The following SYN3 variants were observed in gnomAD, a reference collection of about 807,000 sequenced individuals.
SYN3 encodes the protein synapsin-3.
Under a neutral mutation model 65.8 loss-of-function variants are expected in SYN3, and 35 were observed. The ratio of observed to expected loss-of-function variants is 0.53; its 90% CI spans 0.41 to 0.70. SYN3 has a LOEUF of 0.70. Among genes scored for constraint, SYN3 ranks in the 30% least tolerant of loss-of-function variants. The pLI, the probability that SYN3 is intolerant of heterozygous loss-of-function variation, is 0.00. For missense variants in SYN3, 680 were observed against 749.0 expected (o/e 0.91, Z 1.08); for synonymous variants, 270 against 292.9 (o/e 0.92, Z 0.80).
chr22:32,787,885 A>G (rs988255853), intron 6 of SYN3, among the ~76,000 whole-genome samples: 28 of 151,986 alleles, frequency 1.8e-4, no homozygotes, highest in African/African-American at 5.1e-4. Context: ...AAGACCTGGG[A>G]GAGGCAGAGG....
chr22:32,880,307 AG>A (rs1294072991), intron 4 of SYN3, among the ~76,000 whole-genome samples: 2 of 152,188 alleles, frequency 1.3e-5, no homozygotes, highest in Admixed American at 1.3e-4. Flanking sequence ...TTTGCAAGCC[AG>A]TGACTCATGG....
rs182105493 is a variant in SYN3, at chr22:33,033,731, C to T, written c.-163+24561G>A. ...AGATTCCTGTGGAATAATAGCACTG[C>T]GCACTGTGGCACTCCTACTCCAGCC... On this transcript the variant is annotated intron_variant, in intron 1 of 13. Transcript: ENST00000358763. Among the ~76,000 whole-genome samples the T allele has an allele frequency of 6.6e-3, 1,000 of 152,174 alleles. 5 individuals carry two copies. The highest frequency in any genetic ancestry group is 0.023 in the African/African-American group (960 of 41,504).
At chr22:32,990,873 A>C (rs990722837) in intron 2 of SYN3, among the ~76,000 whole-genome samples, 2 of 151,928 alleles carry the variant, frequency 1.3e-5, no homozygotes, top group Admixed American at 6.6e-5. Context: ...CATAGCGAAA[A>C]CCCATCTCTA....
intron 6 of SYN3, among the ~76,000 whole-genome samples, chr22:32,732,912 T>A (rs1270390879): frequency 1.3e-5 from 2 of 152,230 alleles, no homozygotes; most frequent in South Asian, 2.1e-4. Context: ...AAGTCTTATA[T>A]TATCCTTTGG....
chr22:32,780,979 C>CCTTCCT lies in SYN3; in HGVS notation c.711+83935_711+83936insAGGAAG, dbSNP rs1569219327. ...CTTCCTTCCTTCCTTCCTTCCTTCC[C>CCTTCCT]TCCTTCCTTCCTCTCTCTCACCCCC... On this transcript the variant is annotated intron_variant, in intron 6 of 13. Coordinates refer to ENST00000358763, the MANE Select transcript of SYN3 (RefSeq NM_003490.4). 6.8e-4 allele frequency among the ~76,000 whole-genome samples: 54 copies of CCTTCCT among 79,704 alleles called. 2 individuals are homozygous for CCTTCCT. The highest frequency in any genetic ancestry group is 2.2e-3 in the African/African-American group (45 of 20,782). The allele number at this position is 79,704 out of a possible 152,430, so 52.3% of individuals were successfully genotyped here.
chr22:32,701,958 G>A (rs2060815771), intron 6 of SYN3, among the ~76,000 whole-genome samples: 1 of 152,072 alleles, frequency 6.6e-6, no homozygotes. Flanking sequence ...CCATACTGAG[G>A]AACTTATTTT....
chr22:32,944,531 ATGGGATG>A (rs2051042984), intron 3 of SYN3, among the ~76,000 whole-genome samples: 1 of 152,240 alleles, frequency 6.6e-6, no homozygotes, highest in African/African-American at 2.4e-5. Flanking sequence ...TTAGGTATTG[ATGGGATG>A]TATCTCAAAA....
At chr22:32,640,265 C>T (rs750121910) in intron 6 of SYN3, among the ~76,000 whole-genome samples, 4 of 152,208 alleles carry the variant, frequency 2.6e-5, no homozygotes, top group Non-Finnish European at 4.4e-5. Flanking sequence ...TATCCCATGC[C>T]TCTCTGCTAG....
intron 6 of SYN3, among the ~76,000 whole-genome samples, chr22:32,705,513 G>A (rs546863814): frequency 1.4e-4 from 21 of 152,180 alleles, no homozygotes; most frequent in South Asian, 2.1e-4. Flanking sequence ...TGTTCTTTTC[G>A]CTTAGGATTG....
chr22:32,866,598 C>A (rs564095992), intron 5 of SYN3, among the ~76,000 whole-genome samples: 28 of 152,148 alleles, frequency 1.8e-4, no homozygotes, highest in Non-Finnish European at 2.8e-4. Context: ...ACACAATATG[C>A]ACGTTAAGGG....
At chr22:32,922,869 T>C (rs2050371190) in intron 4 of SYN3, among the ~76,000 whole-genome samples, 1 of 152,110 alleles carries the variant, frequency 6.6e-6, no homozygotes, top group Admixed American at 6.5e-5. Context: ...TAGGTGCTGT[T>C]TGCCAAAGCA....
At chr22:32,927,094 C>T (rs919879759) in intron 4 of SYN3, among the ~76,000 whole-genome samples, 7 of 151,894 alleles carry the variant, frequency 4.6e-5, no homozygotes, top group Non-Finnish European at 7.4e-5. Flanking sequence ...ATTTACCTAC[C>T]GGTATAGAAA....
chr22:32,580,186 C>T (rs537205233), intron 7 of SYN3, among the ~76,000 whole-genome samples: 28 of 152,328 alleles, frequency 1.8e-4, no homozygotes, highest in Admixed American at 8.5e-4. Flanking sequence ...CTAGATCATG[C>T]GTCAACAAAC....
At chr22:32,671,761 A>G (rs1472686499) in intron 6 of SYN3, among the ~76,000 whole-genome samples, 1 of 149,276 alleles carries the variant, frequency 6.7e-6, no homozygotes, top group Non-Finnish European at 1.5e-5. Context: ...GTGCACACAC[A>G]CTGTCACACA....
At chr22:32,881,529 C>A (rs1056306006) in intron 4 of SYN3, among the ~76,000 whole-genome samples, 1 of 152,168 alleles carries the variant, frequency 6.6e-6, no homozygotes, top group Non-Finnish European at 1.5e-5. Flanking sequence ...AGATGCTAAA[C>A]GCTCCTGCCT....
chr22:32,605,163 T>C (rs1035026884), intron 6 of SYN3, among the ~76,000 whole-genome samples: 2 of 152,066 alleles, frequency 1.3e-5, no homozygotes, highest in Non-Finnish European at 2.9e-5. Context: ...GTAAGCGCGT[T>C]TGTTGAATGC....
At chr22:32,802,519 A>C (rs1761043871) in intron 6 of SYN3, among the ~76,000 whole-genome samples, 1 of 152,108 alleles carries the variant, frequency 6.6e-6, no homozygotes, top group Non-Finnish European at 1.5e-5. Flanking sequence ...GTTAAAAAAA[A>C]AAAAAAAAGT....
intron 5 of SYN3, among the ~76,000 whole-genome samples, chr22:32,867,833 G>A (rs1256332585): frequency 2.6e-5 from 4 of 152,114 alleles, no homozygotes; most frequent in African/African-American, 9.7e-5. Flanking sequence ...CACCCGCCTC[G>A]GCCTCCCAAA....
intron 6 of SYN3, among the ~76,000 whole-genome samples, chr22:32,747,180 T>C (rs1201502158): frequency 6.6e-6 from 1 of 152,154 alleles, no homozygotes; most frequent in Non-Finnish European, 1.5e-5. Context: ...AATAGCACGA[T>C]TTTTCTTTTT....
Sources: gnomAD v4.1 joint callset for allele counts (sites outside exome capture counted in the v4.1 genomes callset) on GRCh38, gnomAD v4.1.1 for gene constraint, MANE v1.5 for transcripts, NCBI Gene and HGNC (gene_info 2026-07-23, HGNC 2026-07-21) for gene names.